The following VSIG10 variants were observed in gnomAD, a reference collection of about 807,000 sequenced individuals.
The protein encoded by VSIG10 is V-set and immunoglobulin domain-containing protein 10.
VSIG10 carries 48 observed loss-of-function variants against 58.7 expected under a neutral mutation model. The observed-to-expected ratio is 0.82, with a 90% CI of 0.65 to 1.04. VSIG10 has a LOEUF of 1.04. Ranked by LOEUF, VSIG10 falls within the 50% of genes least tolerant of loss-of-function variation. The probability of loss-of-function intolerance (pLI) is 0.00; values close to 1 mark genes in which losing one functional copy is unlikely to be tolerated. For missense variants in VSIG10, 628 were observed against 670.0 expected, an observed-to-expected ratio of 0.94 and a Z score of 0.69; for synonymous variants, 260 against 267.1, an observed-to-expected ratio of 0.97 and a Z score of 0.26.
chr12:118,072,671 A>G (rs1258283177), intron 5 of VSIG10, among the ~76,000 whole-genome samples: 2 of 152,148 alleles, frequency 1.3e-5, no homozygotes, highest in African/African-American at 4.8e-5. Context: ...CAACCTGGTC[A>G]ACACAGTGCG....
At chr12:118,087,216 G>A (rs979762645) in intron 2 of VSIG10, among the ~76,000 whole-genome samples, 21 of 152,108 alleles carry the variant, frequency 1.4e-4, no homozygotes, top group East Asian at 5.8e-4. Context: ...CAATTAACAG[G>A]GAGCAGTGCA....
chr12:118,098,161 C>T (rs553902859), intron 1 of VSIG10, among the ~76,000 whole-genome samples: 3 of 152,266 alleles, frequency 2.0e-5, no homozygotes, highest in Admixed American at 6.5e-5. Context: ...CTTTATTTGC[C>T]TAGAAATCCA....
intron 2 of VSIG10, among the ~76,000 whole-genome samples, chr12:118,092,638 C>T (rs200346077): frequency 7.1e-6 from 1 of 140,486 alleles, no homozygotes; most frequent in East Asian, 2.1e-4. Flanking sequence ...TTTTCTTTTT[C>T]TTTTTTTTTT....
intron 8 of VSIG10, among the ~76,000 whole-genome samples, chr12:118,067,010 T>C (rs1321490312): frequency 2.6e-5 from 4 of 152,078 alleles, no homozygotes; most frequent in Non-Finnish European, 4.4e-5. Flanking sequence ...ACCTCTTCCA[T>C]AAAGCTTCCC....
At chr12:118,089,448 AC>A (rs1364265911) in intron 2 of VSIG10, among the ~76,000 whole-genome samples, 4 of 152,196 alleles carry the variant, frequency 2.6e-5, no homozygotes, top group Non-Finnish European at 4.4e-5. Flanking sequence ...ATGTCGCCTT[AC>A]CCCACTGTGG....
chr12:118,100,474 GTA>G (rs1424836100), intron 1 of VSIG10, among the ~76,000 whole-genome samples: 1 of 151,914 alleles, frequency 6.6e-6, no homozygotes, highest in African/African-American at 2.4e-5. Flanking sequence ...TCCAGCCTGG[GTA>G]ACAGAGCAAG....
At chr12:118,098,129 AATTG>A (rs2033517812) in intron 1 of VSIG10, among the ~76,000 whole-genome samples, 1 of 151,472 alleles carries the variant, frequency 6.6e-6, no homozygotes, top group African/African-American at 2.4e-5. Context: ...GGCGATCAAT[AATTG>A]ATACAGAACC....
intron 4 of VSIG10, among the ~76,000 whole-genome samples, chr12:118,075,062 T>C (rs2032657535): frequency 6.6e-6 from 1 of 150,724 alleles, no homozygotes; most frequent in Non-Finnish European, 1.5e-5. Flanking sequence ...CATAAGTATT[T>C]ATGTATAAGA....
intron 2 of VSIG10, among the ~76,000 whole-genome samples, chr12:118,093,158 G>A (rs957245773): frequency 6.6e-6 from 1 of 151,326 alleles, no homozygotes; most frequent in African/African-American, 2.4e-5. Context: ...AATTAGCTGG[G>A]TGTGGTGGCG....
chr12:118,088,089 C>A (rs2033183216), intron 2 of VSIG10, among the ~76,000 whole-genome samples: 1 of 151,620 alleles, frequency 6.6e-6, no homozygotes, highest in South Asian at 2.1e-4. Context: ...ACTAAAGATA[C>A]AAAAAATTAG....
chr12:118,068,447 G>A lies in VSIG10; in HGVS notation c.1497C>T (p.His499=), dbSNP rs755045470. The A allele has an allele frequency of 6.2e-7, 1 of 1,613,858 alleles. No homozygotes were observed. Among genetic ancestry groups the A allele is most frequent in the Non-Finnish European group, 8.5e-7 (1 of 1,179,892 alleles). ...TCACCAAGGCGGTCACTCTGTGAATGTGGTCCTGCTTAGGTATTTCTTTTG... is the reference window on the plus strand; with the variant it reads ...TCACCAAGGCGGTCACTCTGTGAATATGGTCCTGCTTAGGTATTTCTTTTG... ...ELPKEIPKQD[H]IHRVTALVNG... is the part of the protein sequence containing the mutation. The change falls in exon 8 of 9, where the codon CAC becomes CAT. Residue 499 remains histidine (H), a synonymous_variant. Coordinates refer to ENST00000359236, the MANE Select transcript of VSIG10 (RefSeq NM_019086.6).
chr12:118,079,493 C>T lies in VSIG10; in HGVS notation c.778G>A (p.Glu260Lys). Residue 260 changes from glutamate to lysine, a missense_variant, in exon 4 of 9, where the codon GAA becomes AAA. Coordinates refer to ENST00000359236, the MANE Select transcript of VSIG10 (RefSeq NM_019086.6). ...CCCACGATTACACCTCCTGGCTCTT[C>T]TATCCACAGGAAGTCAGGGTCAGGG... is the stretch of plus-strand genomic sequence containing the variant. The part of the protein sequence containing the change: ...GYPDPDFLWI[E>K]EPGGVIVGKS... 1 of 1,614,086 alleles carries T rather than the reference C, an allele frequency of 6.2e-7. No homozygotes were observed. Among genetic ancestry groups the T allele is most frequent in the Non-Finnish European group, 8.5e-7 (1 of 1,179,918 alleles).
In VSIG10 at chr12:118,071,481, A is replaced by T. The variant is rs772954654; in HGVS notation, c.1220-12T>A. On this transcript the variant is annotated splice_polypyrimidine_tract_variant and intron_variant, in intron 5 of 8. Coordinates refer to ENST00000359236, the MANE Select transcript of VSIG10 (RefSeq NM_019086.6). ...GATATTTAAAGGTTCTGTAAAGACA[A>T]ATCACACCATTGATTCTTCCATCAG... The T allele has an allele frequency of 6.2e-7, 1 of 1,607,924 alleles. No individual in the cohort carries two copies. Among genetic ancestry groups the T allele is most frequent in the South Asian group, 1.1e-5 (1 of 90,950 alleles).
chr12:118,094,112 T>G (rs773863969), intron 2 of VSIG10, among the ~76,000 whole-genome samples: 13 of 151,996 alleles, frequency 8.6e-5, no homozygotes, highest in Admixed American at 2.0e-4. Context: ...ATATGTTTTT[T>G]TTAGAGGCAG....
At chr12:118,070,080 C>T (rs1225718269) in intron 7 of VSIG10, among the ~76,000 whole-genome samples, 1 of 152,108 alleles carries the variant, frequency 6.6e-6, no homozygotes, top group Non-Finnish European at 1.5e-5. Context: ...AATATCCTGT[C>T]ATTTTGAAGA....
intron 2 of VSIG10, among the ~76,000 whole-genome samples, chr12:118,091,842 C>CT (rs2033309244): frequency 6.6e-6 from 1 of 152,022 alleles, no homozygotes. Context: ...GCTGCAACCT[C>CT]TGTCTCCCAA....
intron 2 of VSIG10, among the ~76,000 whole-genome samples, chr12:118,088,680 G>T (rs945550225): frequency 1.3e-5 from 2 of 152,012 alleles, no homozygotes; most frequent in African/African-American, 4.8e-5. Context: ...GGCTTCCAAG[G>T]CAGAGAGGAG....
At chr12:118,090,978 T>G (rs2137930344) in intron 2 of VSIG10, among the ~76,000 whole-genome samples, 1 of 151,578 alleles carries the variant, frequency 6.6e-6, no homozygotes, top group East Asian at 1.9e-4. Flanking sequence ...CTACTGAAAA[T>G]ACAAAAAAAT....
At chr12:118,068,764 A>G (rs1593488934) in intron 7 of VSIG10, among the ~76,000 whole-genome samples, 167 bp from the exon 8 acceptor site, 1 of 152,340 alleles carries the variant, frequency 6.6e-6, no homozygotes, top group Middle Eastern at 3.4e-3. Context: ...AGATGCTGCC[A>G]CAAATTGCTT....
Sources: allele counts gnomAD v4.1 joint callset (sites outside exome capture counted in the v4.1 genomes callset), GRCh38; gene constraint gnomAD v4.1.1; transcripts MANE v1.5; gene names NCBI Gene and HGNC (gene_info 2026-07-23, HGNC 2026-07-21).